The following ARHGAP20 variants were observed in gnomAD, a reference collection of about 807,000 sequenced individuals.
ARHGAP20 encodes the protein rho GTPase-activating protein 20.
In ARHGAP20, 34 loss-of-function variants were observed where a neutral mutation model predicts 73.7. The observed-to-expected ratio is 0.46, with a 90% confidence interval of 0.35 to 0.61. The LOEUF (loss-of-function observed/expected upper bound fraction) is 0.61, where lower values mean the gene tolerates loss of function less well. Ranked by LOEUF, ARHGAP20 falls within the 20% of genes least tolerant of loss-of-function variation. The pLI is 0.00. For missense variants in ARHGAP20, 1,314 were observed against 1,420.9 expected, an observed-to-expected ratio of 0.92 and a Z score of 1.21; for synonymous variants, 523 against 518.2, an observed-to-expected ratio of 1.01 and a Z score of -0.13.
intron 2 of ARHGAP20, among the ~76,000 whole-genome samples, chr11:110,672,998 G>T (rs932875313): frequency 2.6e-5 from 4 of 152,040 alleles, no homozygotes; most frequent in Non-Finnish European, 4.4e-5. Context: ...ACTAATTGTT[G>T]CATATCCATA....
chr11:110,625,009 A>ATT, intron 3 of ARHGAP20, among the ~76,000 whole-genome samples: 1 of 141,838 alleles, frequency 7.1e-6, no homozygotes, highest in East Asian at 2.2e-4. Flanking sequence ...CACAGGATTT[A>ATT]TTTTTTTTTT....
intron 2 of ARHGAP20, among the ~76,000 whole-genome samples, chr11:110,635,785 T>A (rs76390543): frequency 0.017 from 2,551 of 151,038 alleles, 76 homozygotes; most frequent in African/African-American, 0.058. Context: ...ACATTCACCA[T>A]CACAGAAAAA....
intron 2 of ARHGAP20, among the ~76,000 whole-genome samples, chr11:110,677,379 C>T (rs1949952413): frequency 3.9e-5 from 6 of 152,144 alleles, no homozygotes; most frequent in Admixed American, 3.9e-4. Flanking sequence ...AGGCCACAGA[C>T]ATTGTGACCC....
At chr11:110,650,470 C>A (rs1338400422) in intron 2 of ARHGAP20, among the ~76,000 whole-genome samples, 2 of 152,078 alleles carry the variant, frequency 1.3e-5, no homozygotes, top group African/African-American at 4.8e-5. Context: ...GTAATCACCA[C>A]AGTTCCAGTA....
chr11:110,701,903 C>T (rs1470056077), intron 1 of ARHGAP20, among the ~76,000 whole-genome samples: 1 of 151,916 alleles, frequency 6.6e-6, no homozygotes, highest in Admixed American at 6.6e-5. Context: ...AGATATGCGG[C>T]GTTATTTCTG....
At chr11:110,703,998 CA>C (rs1247695351) in intron 1 of ARHGAP20, among the ~76,000 whole-genome samples, 1 of 152,202 alleles carries the variant, frequency 6.6e-6, no homozygotes, top group Non-Finnish European at 1.5e-5. Context: ...TTGTCAGACA[CA>C]ACCGCAACAG....
At chr11:110,612,968 T>G (rs572129231) in intron 6 of ARHGAP20, among the ~76,000 whole-genome samples, 25 of 152,282 alleles carry the variant, frequency 1.6e-4, no homozygotes, top group African/African-American at 4.8e-4. Flanking sequence ...AATTGAGAGA[T>G]AATTTTTAAA....
chr11:110,643,664 A>T (rs1467874403), intron 2 of ARHGAP20, among the ~76,000 whole-genome samples: 2 of 151,740 alleles, frequency 1.3e-5, no homozygotes, highest in Non-Finnish European at 2.9e-5. Context: ...GTTGATTGAG[A>T]TTTGCTTTAT....
intron 9 of ARHGAP20, among the ~76,000 whole-genome samples, chr11:110,604,002 T>C (rs1308611116): frequency 6.6e-6 from 1 of 152,170 alleles, no homozygotes; most frequent in Non-Finnish European, 1.5e-5. Context: ...CTCATTAGAT[T>C]TGTATTACAT....
At chr11:110,685,759 G>A (rs7929561) in intron 2 of ARHGAP20, among the ~76,000 whole-genome samples, 19,179 of 152,092 alleles carry the variant, frequency 0.13, 1,941 homozygotes, top group African/African-American at 0.28. Context: ...AATAGTAAAA[G>A]TAGTAAGGTT....
chr11:110,656,122 C>G (rs1377719375), intron 2 of ARHGAP20, among the ~76,000 whole-genome samples: 1 of 152,144 alleles, frequency 6.6e-6, no homozygotes, highest in Non-Finnish European at 1.5e-5. Context: ...CTACTTTCAA[C>G]TTTCAGCAGT....
Position 110,712,336 on chromosome 11 carries a change from C to A in ARHGAP20, c.-105G>T. 2.0e-6 allele frequency: 2 copies of A among 977,754 alleles called. No homozygotes were observed. Among genetic ancestry groups the A allele is most frequent in the Non-Finnish European group, 2.7e-6 (2 of 745,666 alleles). The allele number at this position is 977,754 out of a possible 1,614,324, so 60.6% of individuals were successfully genotyped here. A position where few individuals can be genotyped will look rare whatever the true frequency, so the allele number is the denominator to read the frequency against. On this transcript the variant is annotated 5_prime_UTR_variant, in exon 1 of 15. Coordinates refer to ENST00000683387, the MANE Select transcript of ARHGAP20 (RefSeq NM_001384657.1). ...GACGCGCGGGCGGAGGCGCGGCTGC[C>A]GTGCTCAGGCAGGGAGCCGAGCTCC...
intron 2 of ARHGAP20, among the ~76,000 whole-genome samples, chr11:110,637,135 G>C (rs1393396491): frequency 1.3e-5 from 2 of 152,018 alleles, no homozygotes; most frequent in African/African-American, 4.8e-5. Flanking sequence ...CCTGGCCACA[G>C]TAATATATCA....
chr11:110,589,387 G>A (rs901774873), intron 11 of ARHGAP20: 1 of 983,770 alleles, frequency 1.0e-6, no homozygotes, highest in African/African-American at 1.7e-5. Context: ...ACATCTGATT[G>A]TATATAAAGT....
intron 2 of ARHGAP20, among the ~76,000 whole-genome samples, chr11:110,688,999 GT>G (rs745669809): frequency 8.2e-4 from 113 of 137,598 alleles, no homozygotes; most frequent in Middle Eastern, 7.5e-3. Context: ...CTTTCATATA[GT>G]TTTTTTTTTT....
intron 2 of ARHGAP20, among the ~76,000 whole-genome samples, chr11:110,652,621 G>A (rs138217239): frequency 6.6e-6 from 1 of 152,028 alleles, no homozygotes; most frequent in African/African-American, 2.4e-5. Context: ...AATCATGAAT[G>A]AACTTCCATT....
At chr11:110,654,594 TC>T (rs1397270832) in intron 2 of ARHGAP20, among the ~76,000 whole-genome samples, 1 of 152,222 alleles carries the variant, frequency 6.6e-6, no homozygotes, top group Non-Finnish European at 1.5e-5. Context: ...ACATTTTAAG[TC>T]ATTTTTCACA....
At chr11:110,710,079 G>T (rs1481855411) in intron 1 of ARHGAP20, among the ~76,000 whole-genome samples, 2 of 152,176 alleles carry the variant, frequency 1.3e-5, no homozygotes, top group South Asian at 2.1e-4. Context: ...AGTTGAAAAC[G>T]AATCCTAGAT....
rs181642846 is a variant in ARHGAP20, at chr11:110,579,839, G to A, written c.3107C>T (p.Thr1036Ile). ...ACTGGCCACACCATTTCTCAACCAT[G>A]TGCTGGGATGAAGAGTTACAGAATG... ...QMHSVTLHPS[T>I]WLRNGVASLK... Residue 1036 changes from threonine to isoleucine, a missense_variant, in exon 15 of 15, where the codon ACA (threonine) becomes ATA (isoleucine). Coordinates refer to ENST00000683387, the MANE Select transcript of ARHGAP20 (RefSeq NM_001384657.1). 1.2e-6 allele frequency: 2 copies of A among 1,614,204 alleles called. No homozygotes were observed. Among genetic ancestry groups the A allele is most frequent in the East Asian group, 2.2e-5 (1 of 44,886 alleles).
Sources: gnomAD v4.1 joint callset for allele counts (sites outside exome capture counted in the v4.1 genomes callset) on GRCh38, gnomAD v4.1.1 for gene constraint, MANE v1.5 for transcripts, NCBI Gene and HGNC (gene_info 2026-07-23, HGNC 2026-07-21) for gene names.